SOX5: variants seen among roughly 807,000 people sequenced by gnomAD.
The protein encoded by SOX5 is SRY-box transcription factor 5.
Under a neutral mutation model 92.0 loss-of-function variants are expected in SOX5, and 9 were observed. That is an observed-to-expected ratio of 0.10 (90% confidence interval 0.06 to 0.17). SOX5 has a LOEUF of 0.17. SOX5 is among the 10% of genes least tolerant of loss of function. The pLI is 1.00. For missense variants in SOX5, 642 were observed against 944.5 expected (o/e 0.68, Z 4.20); for synonymous variants, 344 against 336.3 (o/e 1.02, Z -0.25).
rs1020537798 is a variant in SOX5 at position 23,609,842 on chromosome 12, A to G, written c.1018-5309T>C. 7.9e-5 allele frequency among the ~76,000 whole-genome samples: 12 copies of G among 152,250 alleles called. No individual in the cohort carries two copies. In the South Asian group the frequency reaches 2.5e-3, roughly 32 times the overall value. ...TGTGATCAGTTCTCCACCACCACCAACATAAGCTTGAATTGTATCTAACTT... is the reference window on the plus strand; with the variant it reads ...TGTGATCAGTTCTCCACCACCACCAGCATAAGCTTGAATTGTATCTAACTT... On this transcript the variant is annotated intron_variant, in intron 8 of 14. Coordinates refer to ENST00000451604, the MANE Select transcript of SOX5 (RefSeq NM_006940.6).
intron 6 of SOX5, among the ~76,000 whole-genome samples, chr12:23,725,378 G>A (rs2093057238): frequency 6.6e-6 from 1 of 152,270 alleles, no homozygotes; most frequent in Non-Finnish European, 1.5e-5. Context: ...ATGGCAGCAG[G>A]CAACAGAGAG....
chr12:23,624,051 T>C (rs775042904), intron 8 of SOX5, among the ~76,000 whole-genome samples: 1 of 152,064 alleles, frequency 6.6e-6, no homozygotes, highest in African/African-American at 2.4e-5. Flanking sequence ...TGGATAAACA[T>C]TGAAGACATT....
At chr12:24,182,167 A>T (rs906128294) in intron 4 of SOX5, among the ~76,000 whole-genome samples, 5 of 152,232 alleles carry the variant, frequency 3.3e-5, no homozygotes, top group Non-Finnish European at 5.9e-5. Context: ...AGAAGGTGAT[A>T]GTGAATAAAT....
intron 4 of SOX5, among the ~76,000 whole-genome samples, chr12:24,148,906 T>C (rs944340998): frequency 9.9e-5 from 15 of 151,530 alleles, no homozygotes; most frequent in Non-Finnish European, 1.9e-4. Context: ...AAAATAAACA[T>C]AAAAATAAAA....
chr12:23,572,051 C>A (rs561097416), intron 10 of SOX5, among the ~76,000 whole-genome samples: 2 of 152,282 alleles, frequency 1.3e-5, no homozygotes, highest in South Asian at 2.1e-4. Flanking sequence ...ACTATTCATA[C>A]CTTTTAAGGA....
intron 2 of SOX5, among the ~76,000 whole-genome samples, chr12:23,853,598 C>T (rs1388922811): frequency 1.4e-5 from 2 of 146,566 alleles, no homozygotes; most frequent in African/African-American, 5.0e-5. Flanking sequence ...GAAAATATTC[C>T]TTCAGAATCA....
intron 4 of SOX5, among the ~76,000 whole-genome samples, chr12:24,058,878 T>C (rs1939115833): frequency 6.6e-6 from 1 of 152,322 alleles, no homozygotes; most frequent in South Asian, 2.1e-4. Context: ...TTCCAGCTGC[T>C]GCTTCTGGTG....
chr12:24,394,017 C>G (rs1959213777), intron 1 of SOX5, among the ~76,000 whole-genome samples: 2 of 152,074 alleles, frequency 1.3e-5, no homozygotes, highest in African/African-American at 4.8e-5. Flanking sequence ...GAGACCTGAC[C>G]ACACTATTAA....
intron 2 of SOX5, among the ~76,000 whole-genome samples, chr12:24,324,103 T>C (rs59103605): frequency 0.012 from 1,870 of 152,262 alleles, 35 homozygotes; most frequent in African/African-American, 0.043. Context: ...GAAGAAATAA[T>C]TATGGAATTG....
At chr12:24,195,210 G>A (rs1197869897) in intron 4 of SOX5, among the ~76,000 whole-genome samples, 1 of 150,710 alleles carries the variant, frequency 6.6e-6, no homozygotes, top group African/African-American at 2.4e-5. Context: ...ATTATCACAT[G>A]AAATTCTATA....
chr12:23,544,480 G>T (rs1348283071), intron 12 of SOX5, among the ~76,000 whole-genome samples: 13 of 152,222 alleles, frequency 8.5e-5, no homozygotes, highest in African/African-American at 3.1e-4. Flanking sequence ...TTCTTTTCTT[G>T]CTTTGTATTC....
chr12:24,170,175 G>T (rs755518403), intron 4 of SOX5, among the ~76,000 whole-genome samples: 2 of 132,462 alleles, frequency 1.5e-5, no homozygotes, highest in Non-Finnish European at 1.7e-5. Flanking sequence ...GTTTCACAGC[G>T]TTCAGGAGGA....
rs537454292 is a variant in SOX5 at position 24,063,949 on chromosome 12, T to G, written c.-2+149394A>C. 6.6e-5 allele frequency among the ~76,000 whole-genome samples: 10 copies of G among 152,278 alleles called. No homozygotes were observed. The South Asian group carries it at 1.9e-3, about 28-fold the overall frequency. ...GTCAAATAATGTATACAAAAGTACT[T>G]TATAAATAGAAAATGCCACACAGTT... On this transcript the variant is annotated intron_variant, in intron 4 of 4. Coordinates refer to the SOX5 transcript ENST00000446891.
chr12:23,617,128 G>GAAA (rs34672362), intron 8 of SOX5, among the ~76,000 whole-genome samples: 49 of 106,112 alleles, frequency 4.6e-4, no homozygotes, highest in Non-Finnish European at 6.2e-4. Context: ...TCTGTCTCAA[G>GAAA]AAAAAAAAAA....
At chr12:24,325,920 A>G (rs1950637106) in intron 2 of SOX5, among the ~76,000 whole-genome samples, 1 of 152,174 alleles carries the variant, frequency 6.6e-6, no homozygotes, top group Admixed American at 6.5e-5. Context: ...GTGTGTGTGT[A>G]TGTTAGATAA....
At chr12:24,120,513 G>A (rs1268005434) in intron 4 of SOX5, among the ~76,000 whole-genome samples, 1 of 152,128 alleles carries the variant, frequency 6.6e-6, no homozygotes, top group Non-Finnish European at 1.5e-5. Flanking sequence ...GAACTAATGA[G>A]CTCTCCCATC....
chr12:24,023,801 T>A (rs138618197), intron 4 of SOX5, among the ~76,000 whole-genome samples: 2 of 152,210 alleles, frequency 1.3e-5, no homozygotes, highest in South Asian at 4.1e-4. Flanking sequence ...GGTATCTGTT[T>A]ATTAATTAAT....
intron 3 of SOX5, among the ~76,000 whole-genome samples, chr12:23,790,660 T>C (rs750049150): frequency 2.3e-3 from 344 of 152,186 alleles, no homozygotes; most frequent in Non-Finnish European, 3.6e-3. Context: ...ATCACTTCTA[T>C]GTAAATTAAT....
chr12:23,877,239 G>A (rs2137004601), intron 2 of SOX5, among the ~76,000 whole-genome samples: 1 of 150,844 alleles, frequency 6.6e-6, no homozygotes, highest in East Asian at 1.9e-4. Flanking sequence ...CCTTTTTTTT[G>A]GAGGAGAGTT....
Sources: gnomAD v4.1 joint callset for allele counts (sites outside exome capture counted in the v4.1 genomes callset) on GRCh38, gnomAD v4.1.1 for gene constraint, MANE v1.5 for transcripts, NCBI Gene and HGNC (gene_info 2026-07-23, HGNC 2026-07-21) for gene names.